The following TMEM198 variants were observed in gnomAD, a reference collection of about 807,000 sequenced individuals.
TMEM198 encodes the protein transmembrane protein 198.
A neutral mutation model predicts 31.5 loss-of-function variants in TMEM198; 21 were observed. The ratio of observed to expected loss-of-function variants is 0.67; its 90% CI spans 0.47 to 0.96. The LOEUF is 0.96. Ranked by LOEUF, TMEM198 falls within the 40% of genes least tolerant of loss-of-function variation. The pLI, the probability that TMEM198 is intolerant of heterozygous loss-of-function variation, is 0.00. For missense variants in TMEM198, 447 were observed against 499.4 expected (o/e 0.89, Z 1.00); for synonymous variants, 211 against 223.3 (o/e 0.95, Z 0.49).
In TMEM198 at chr2:219,549,122, T is replaced by C. The variant is rs755474463; in HGVS notation, c.743-30T>C. 5.6e-5 allele frequency: 91 copies of C among 1,612,794 alleles called. 1 individual carries two copies. In the South Asian group the frequency reaches 9.1e-4, roughly 16 times the overall value. On this transcript the variant is annotated intron_variant, in intron 3 of 4. Transcript: ENST00000373883. Reference sequence around the variant, plus strand: ...AAGGGAAACAAGGCGCACCGTCCTCTGAGCTCCTTCTCTACCCATCCCACC... The same window carrying C: ...AAGGGAAACAAGGCGCACCGTCCTCCGAGCTCCTTCTCTACCCATCCCACC...
At chr2:219,545,042 C>CTA (rs1283920025) in intron 2 of TMEM198, 149 bp downstream of exon 2, 38 of 1,111,846 alleles carry the variant, frequency 3.4e-5, no homozygotes, top group Non-Finnish European at 4.7e-5. Flanking sequence ...TGTCTAGACT[C>CTA]TAGATTATAG....
At chr2:219,543,719 T>G (rs115875860), upstream of TMEM198, 532 of 442,234 alleles carry the variant, frequency 1.2e-3, 2 homozygotes, top group African/African-American at 0.01. Flanking sequence ...GCGCCTCGAT[T>G]CCCCTCCAGC....
chr2:219,547,869 C>G lies in TMEM198; in HGVS notation c.530C>G (p.Ala177Gly). Reference protein sequence around the residue: ...WPRPLTTLATAVTGAALIATA... With the variant: ...WPRPLTTLATGVTGAALIATA... ...CGCCCACTCACCACCCTGGCCACCGCCGTGACTGGTGCTGCGCTGATCGCC... is the reference window on the plus strand; with the variant it reads ...CGCCCACTCACCACCCTGGCCACCGGCGTGACTGGTGCTGCGCTGATCGCC... The change falls in exon 3 of 5, where the codon GCC (alanine) becomes GGC (glycine). Residue 177 changes from alanine to glycine, a missense_variant. Physicochemically the swap from Ala to Gly is moderately conservative, Grantham distance 60. Transcript: ENST00000373883. 1.3e-6 allele frequency: 2 copies of G among 1,590,800 alleles called. No homozygotes were observed. Among genetic ancestry groups the G allele is most frequent in the Non-Finnish European group, 1.7e-6 (2 of 1,174,176 alleles).
chr2:219,548,156 G>A, intron 3 of TMEM198, 75 bp downstream of exon 3: 2 of 1,341,154 alleles, frequency 1.5e-6, no homozygotes, highest in Non-Finnish European at 2.0e-6. Context: ...AGTGACTGGG[G>A]AGTGGGGGAC....
In TMEM198 at chr2:219,550,084, G is replaced by T. The variant is rs1695523928; in HGVS notation, c.*230G>T. On this transcript the variant is annotated 3_prime_UTR_variant, in exon 5 of 5. Transcript: ENST00000373883. ...AACTCGGGGTGTGAACCCCATTGGGGTGTGCTCAGGGTTGTGAGTGTGTTG... is the reference window on the plus strand; with the variant it reads ...AACTCGGGGTGTGAACCCCATTGGGTTGTGCTCAGGGTTGTGAGTGTGTTG... The T allele has an allele frequency of 1.8e-6, 1 of 561,350 alleles. No homozygotes were observed. The highest frequency in any genetic ancestry group is 3.1e-6 in the Non-Finnish European group (1 of 319,646). The allele number at this position is 561,350 out of a possible 1,614,324, so 34.8% of individuals were successfully genotyped here. A position where few individuals can be genotyped will look rare whatever the true frequency, so the allele number is the denominator to read the frequency against.
In TMEM198 at chr2:219,547,874, A is replaced by T; in HGVS notation, c.535A>T (p.Thr179Ser). The T allele has an allele frequency of 6.3e-7, 1 of 1,591,786 alleles. No homozygotes were observed. Among genetic ancestry groups the T allele is most frequent in the Non-Finnish European group, 8.5e-7 (1 of 1,174,888 alleles). The stretch of plus-strand genomic sequence containing the variant: ...ACTCACCACCCTGGCCACCGCCGTG[A>T]CTGGTGCTGCGCTGATCGCCACTGC... ...RPLTTLATAV[T>S]GAALIATAAD... is the part of the protein sequence containing the mutation. Residue 179 changes from threonine (T) to serine (S), a missense_variant, in exon 3 of 5, where the codon ACT (threonine) becomes TCT (serine). By Grantham distance (58) the Thr-to-Ser change is moderately conservative. Transcript: ENST00000373883.
Position 219,548,399 on chromosome 2 carries a change from G to C in TMEM198, c.742+318G>C, listed in dbSNP as rs529739353. ...GATGCAAACAAACATGATTCCAGTT[G>C]TGTAGAGTGATATGACAGAGACATT... On this transcript the variant is annotated intron_variant, in intron 3 of 4. Coordinates refer to ENST00000373883, the MANE Select transcript of TMEM198 (RefSeq NM_001005209.3). Among the ~76,000 whole-genome samples, 3 of 152,346 alleles carry C rather than the reference G, an allele frequency of 2.0e-5. No individual in the cohort carries two copies. In the East Asian group the frequency reaches 5.8e-4, roughly 29 times the overall value.
chr2:219,548,178 G>A lies in TMEM198; in HGVS notation c.742+97G>A, dbSNP rs138429757. On this transcript the variant is annotated intron_variant, in intron 3 of 4. Transcript: ENST00000373883. ...GGGGAGTGGGGGACAGCAGCAGAAG[G>A]CCTCGATGGCGGTAGAGAGCTGACT... 6.7e-4 allele frequency: 782 copies of A among 1,161,278 alleles called. 9 individuals carry two copies. In the East Asian group the frequency reaches 0.018, roughly 27 times the overall value. 71.9% of individuals were successfully genotyped at this position (1,161,278 alleles called of 1,614,324 possible).
chr2:219,543,704 G>A, upstream of TMEM198: 1 of 465,028 alleles, frequency 2.2e-6, no homozygotes, highest in East Asian at 3.6e-5. Flanking sequence ...CGAATCCCCG[G>A]AGCCGCGCCT....
At chr2:219,548,158 G>T in intron 3 of TMEM198, 77 bp downstream of exon 3, 1 of 1,322,524 alleles carries the variant, frequency 7.6e-7, no homozygotes, top group Non-Finnish European at 1.0e-6. Flanking sequence ...TGACTGGGGA[G>T]TGGGGGACAG....
Position 219,548,074 on chromosome 2 carries a change from C to A in TMEM198, c.735C>A (p.His245Gln). The A allele has an allele frequency of 6.4e-7, 1 of 1,554,502 alleles. No individual in the cohort carries two copies. The highest frequency in any genetic ancestry group is 8.7e-7 in the Non-Finnish European group (1 of 1,150,928). The change falls in exon 3 of 5, where the codon CAC becomes CAA. Residue 245 changes from histidine to glutamine, a missense_variant. Coordinates refer to ENST00000373883, the MANE Select transcript of TMEM198 (RefSeq NM_001005209.3). Reference sequence around the variant, plus strand: ...GGGTGACAGCTGAGGGGGACTCCCACACGGAAGGTAAGGGGGCACAGGCCA... The same window carrying A: ...GGGTGACAGCTGAGGGGGACTCCCAAACGGAAGGTAAGGGGGCACAGGCCA... ...QWRVTAEGDS[H>Q]TEVVISRQRR...
chr2:219,549,177 C>T lies in TMEM198; in HGVS notation c.768C>T (p.Arg256=), dbSNP rs146490860. The T allele has an allele frequency of 1.2e-5, 20 of 1,613,944 alleles. No individual in the cohort carries two copies. The African/African-American group carries it at 1.7e-4, about 14-fold the overall frequency. Residue 256 remains arginine, a synonymous_variant, in exon 4 of 5, where the codon CGC becomes CGT. Transcript: ENST00000373883. Reference sequence around the variant, plus strand: ...TGGTCATCAGCCGGCAGCGCCGACGCGTGCAACTGATGCGGATTCGGCAGC... The same window carrying T: ...TGGTCATCAGCCGGCAGCGCCGACGTGTGCAACTGATGCGGATTCGGCAGC... ...TEVVISRQRR[R]VQLMRIRQQE... is the part of the protein sequence containing the mutation.
At chr2:219,544,594 T>C in intron 1 of TMEM198, 95 bp from the exon 2 acceptor site, 1 of 970,104 alleles carries the variant, frequency 1.0e-6, no homozygotes, top group Non-Finnish European at 1.5e-6. Flanking sequence ...TATTCCTTTG[T>C]CCACTGTCCT....
rs1695467158 is a variant in TMEM198, at chr2:219,549,106, A to G, written c.743-46A>G. On this transcript the variant is annotated intron_variant, in intron 3 of 4. Transcript: ENST00000373883. ...GAGAGAGGGAGGGCTCAAGGGAAAC[A>G]AGGCGCACCGTCCTCTGAGCTCCTT... The G allele has an allele frequency of 1.9e-6, 3 of 1,608,090 alleles. No individual in the cohort carries two copies. The African/African-American group carries it at 4.0e-5, about 21-fold the overall frequency.
chr2:219,546,539 C>T (rs1346935272), intron 2 of TMEM198, among the ~76,000 whole-genome samples: 1 of 152,128 alleles, frequency 6.6e-6, no homozygotes, highest in African/African-American at 2.4e-5. Context: ...ACTGTGATCC[C>T]AGTAATTCCT....
Position 219,547,798 on chromosome 2 carries a change from G to A in TMEM198, c.459G>A (p.Leu153=), listed in dbSNP as rs1695422512. 2 of 1,592,334 alleles carry A rather than the reference G, an allele frequency of 1.3e-6. No homozygotes were observed. Among genetic ancestry groups the A allele is most frequent in the East Asian group, 2.2e-5 (1 of 44,676 alleles). The change falls in exon 3 of 5, where the codon TTG becomes TTA. Residue 153 remains leucine (L), a synonymous_variant. Transcript: ENST00000373883. The part of the protein sequence containing the change: ...PGSVWGPLGL[L]LGGGLLCALL... ...CCGTGTGGGGTCCACTGGGGCTGTT[G>A]CTGGGGGGCGGCCTGCTCTGTGCCC...
chr2:219,547,741 G>A lies in TMEM198; in HGVS notation c.402G>A (p.Leu134=), dbSNP rs754536585. The change falls in exon 3 of 5, where the codon CTG becomes CTA. Residue 134 remains leucine (L), a synonymous_variant. Coordinates refer to ENST00000373883, the MANE Select transcript of TMEM198 (RefSeq NM_001005209.3). ...LLGLLLAAAA[L]LGSAPYYQPG... ...GCCTGCTGCTCGCAGCTGCTGCCCT[G>A]CTGGGCTCCGCACCCTACTACCAGC... 5 of 1,592,468 alleles carry A rather than the reference G, an allele frequency of 3.1e-6. No homozygotes were observed. The Admixed American group carries it at 6.7e-5, about 21-fold the overall frequency.
intron 2 of TMEM198, among the ~76,000 whole-genome samples, chr2:219,546,673 A>G (rs1353158332): frequency 6.7e-6 from 1 of 150,320 alleles, no homozygotes; most frequent in African/African-American, 2.5e-5. Context: ...TAATGCTGCT[A>G]CTCTGTCCTC....
At chr2:219,544,956 GC>G in intron 2 of TMEM198, 63 bp downstream of exon 2, 1 of 1,583,204 alleles carries the variant, frequency 6.3e-7, no homozygotes. Context: ...CTTTTTCTGG[GC>G]CCCCAAGTCT....
Sources: allele counts gnomAD v4.1 joint callset (sites outside exome capture counted in the v4.1 genomes callset), GRCh38; gene constraint gnomAD v4.1.1; transcripts MANE v1.5; gene names NCBI Gene and HGNC (gene_info 2026-07-23, HGNC 2026-07-21).